LRFN5: variants seen among roughly 807,000 people sequenced by gnomAD.
LRFN5 encodes leucine-rich repeat and fibronectin type-III domain-containing protein 5.
A neutral mutation model predicts 45.6 loss-of-function variants in LRFN5; 24 were observed. That is an observed-to-expected ratio of 0.53 (90% CI 0.38 to 0.74). LRFN5 has a LOEUF of 0.74. Ranked by LOEUF, LRFN5 falls within the 30% of genes least tolerant of loss-of-function variation. The pLI, the probability that LRFN5 is intolerant of heterozygous loss-of-function variation, is 0.00. For synonymous variants in LRFN5, 340 were observed against 313.8 expected (o/e 1.08, Z -0.88); for missense variants, 776 against 861.5 (o/e 0.90, Z 1.24).
intron 2 of LRFN5, among the ~76,000 whole-genome samples, chr14:41,861,762 TA>T (rs1889671928): frequency 6.6e-6 from 1 of 152,186 alleles, no homozygotes; most frequent in African/African-American, 2.4e-5. Context: ...GTGCAAAAAG[TA>T]AATGTACAGC....
chr14:41,750,572 A>C (rs186242823), intron 1 of LRFN5, among the ~76,000 whole-genome samples: 1 of 152,234 alleles, frequency 6.6e-6, no homozygotes, highest in East Asian at 1.9e-4. Context: ...ATTTGCTTTC[A>C]TTGTATTGTG....
rs116870382 is a variant in LRFN5 at position 41,785,270 on chromosome 14, G to C, written c.-21+18241G>C. The stretch of plus-strand genomic sequence containing the variant: ...ACCACTTATAATTTATGCAATTATT[G>C]AGATGGTGGGTTTTAATTTTCCACT... On this transcript the variant is annotated intron_variant, in intron 2 of 5. Transcript: ENST00000298119. 1.0e-3 allele frequency among the ~76,000 whole-genome samples: 152 copies of C among 152,144 alleles called. 1 individual carries two copies. Among genetic ancestry groups the C allele is most frequent in the Non-Finnish European group, 1.9e-3 (126 of 67,990 alleles).
At chr14:41,688,911 A>T (rs1259511583) in intron 1 of LRFN5, among the ~76,000 whole-genome samples, 1 of 27,516 alleles carries the variant, frequency 3.6e-5, no homozygotes, top group Non-Finnish European at 5.8e-5. Context: ...TATTTCTACC[A>T]AAAAAAAAAA....
Position 41,821,083 on chromosome 14 carries a change from C to T in LRFN5, c.-21+54054C>T, listed in dbSNP as rs1888096288. Among the ~76,000 whole-genome samples, 4 of 151,962 alleles carry T rather than the reference C, an allele frequency of 2.6e-5. No homozygotes were observed. In the South Asian group the frequency reaches 8.3e-4, roughly 32 times the overall value. On this transcript the variant is annotated intron_variant, in intron 2 of 5. Coordinates refer to ENST00000298119, the MANE Select transcript of LRFN5 (RefSeq NM_152447.5). ...TAGAGACAAATTGAGTTCCTCCTTT[C>T]CAATTTGGATATTTTTAATTTTTTT...
At chr14:41,851,374 T>C (rs1951871) in intron 2 of LRFN5, among the ~76,000 whole-genome samples, 1 of 136,416 alleles carries the variant, frequency 7.3e-6, no homozygotes, top group East Asian at 2.0e-4. Flanking sequence ...AATATTATAA[T>C]ATACTGATTT....
chr14:41,677,088 C>T (rs1881665549), intron 1 of LRFN5, among the ~76,000 whole-genome samples: 1 of 151,862 alleles, frequency 6.6e-6, no homozygotes, highest in Non-Finnish European at 1.5e-5. Flanking sequence ...GGAACACATC[C>T]TAGGTAGCAG....
At chr14:41,715,608 G>A (rs576328864) in intron 1 of LRFN5, among the ~76,000 whole-genome samples, 19 of 152,290 alleles carry the variant, frequency 1.2e-4, no homozygotes, top group African/African-American at 4.6e-4. Context: ...AAATTTATAA[G>A]GAAAATAAGT....
chr14:41,663,946 T>C (rs1186433651), intron 1 of LRFN5, among the ~76,000 whole-genome samples: 1 of 152,014 alleles, frequency 6.6e-6, no homozygotes, highest in African/African-American at 2.4e-5. Context: ...AGAAATAGAC[T>C]TATATTGGAT....
chr14:41,741,409 G>C (rs150627918), intron 1 of LRFN5, among the ~76,000 whole-genome samples: 1 of 151,712 alleles, frequency 6.6e-6, no homozygotes, highest in East Asian at 1.9e-4. Context: ...ACTATTTAAG[G>C]TCAATTGATT....
In LRFN5 at chr14:41,689,894, C is replaced by CAAAA. The variant is rs10572529; in HGVS notation, c.-196-76938_-196-76935dup. Among the ~76,000 whole-genome samples, 79 of 81,928 alleles carry CAAAA rather than the reference C, an allele frequency of 9.6e-4. No individual in the cohort carries two copies. In the East Asian group the frequency reaches 0.014, roughly 14 times the overall value. The allele number at this position is 81,928 out of a possible 152,430, so 53.7% of individuals were successfully genotyped here. ...TGGGCCACAGAGCGAGACTCCGTCT[C>CAAAA]AAAAAAAAAAAAAAAAAAAAAAAAA... On this transcript the variant is annotated intron_variant, in intron 1 of 5. Coordinates refer to ENST00000298119, the MANE Select transcript of LRFN5 (RefSeq NM_152447.5).
At chr14:41,730,617 T>C (rs1490198207) in intron 1 of LRFN5, among the ~76,000 whole-genome samples, 1 of 151,966 alleles carries the variant, frequency 6.6e-6, no homozygotes, top group African/African-American at 2.4e-5. Context: ...CGTTAACACA[T>C]ATTATATAAT....
chr14:41,706,729 C>T (rs886379722), intron 1 of LRFN5, among the ~76,000 whole-genome samples: 2 of 152,018 alleles, frequency 1.3e-5, no homozygotes, highest in South Asian at 2.1e-4. Context: ...GTTTTGCTTT[C>T]ATATGAATAT....
At chr14:41,679,919 C>A (rs1338840338) in intron 1 of LRFN5, among the ~76,000 whole-genome samples, 1 of 152,090 alleles carries the variant, frequency 6.6e-6, no homozygotes, top group Non-Finnish European at 1.5e-5. Flanking sequence ...GCAGCATTCA[C>A]CAAAATCTAG....
At chr14:41,864,163 T>A (rs886297193) in intron 2 of LRFN5, among the ~76,000 whole-genome samples, 2 of 152,200 alleles carry the variant, frequency 1.3e-5, no homozygotes, top group African/African-American at 4.8e-5. Context: ...AGTGGAATGA[T>A]TTATAATCCT....
intron 1 of LRFN5, among the ~76,000 whole-genome samples, chr14:41,621,239 G>A (rs1888125601): frequency 6.6e-6 from 1 of 152,006 alleles, no homozygotes; most frequent in African/African-American, 2.4e-5. Context: ...TCCCCTGTGT[G>A]AAATACAGTC....
chr14:41,612,034 A>G (rs1196283987), intron 1 of LRFN5, among the ~76,000 whole-genome samples: 5 of 152,174 alleles, frequency 3.3e-5, no homozygotes, highest in Non-Finnish European at 5.9e-5. Context: ...ATCTTTTCAT[A>G]AATGACCGTC....
At chr14:41,719,035 G>A (rs1433282165) in intron 1 of LRFN5, among the ~76,000 whole-genome samples, 1 of 152,130 alleles carries the variant, frequency 6.6e-6, no homozygotes, top group Non-Finnish European at 1.5e-5. Flanking sequence ...GGATTACAGA[G>A]TACCAGAAAA....
At chr14:41,846,684 T>C (rs1012329360) in intron 2 of LRFN5, among the ~76,000 whole-genome samples, 14 of 152,202 alleles carry the variant, frequency 9.2e-5, no homozygotes, top group African/African-American at 3.4e-4. Context: ...AGAAGTCTGC[T>C]TTGGATCTCA....
intron 2 of LRFN5, among the ~76,000 whole-genome samples, chr14:41,883,679 C>A (rs1400086062): frequency 6.6e-6 from 1 of 152,124 alleles, no homozygotes; most frequent in Non-Finnish European, 1.5e-5. Context: ...TCAGCAGTTA[C>A]TTTTATTTTG....
Sources: allele counts gnomAD v4.1 joint callset (sites outside exome capture counted in the v4.1 genomes callset), GRCh38; gene constraint gnomAD v4.1.1; transcripts MANE v1.5; gene names NCBI Gene and HGNC (gene_info 2026-07-23, HGNC 2026-07-21).